The following MIGA2 variants were observed in gnomAD, a reference collection of about 807,000 sequenced individuals.
MIGA2 encodes the protein mitoguardin 2, also known as family with sequence similarity 73, member B.
Under a neutral mutation model 69.9 loss-of-function variants are expected in MIGA2, and 36 were observed. The observed-to-expected ratio is 0.52, with a 90% CI of 0.39 to 0.68. The LOEUF is 0.68. MIGA2 is among the 30% of genes least tolerant of loss of function. The probability of loss-of-function intolerance (pLI) is 0.00; values close to 1 mark genes in which losing one functional copy is unlikely to be tolerated. For missense variants in MIGA2, 660 were observed against 787.7 expected, an observed-to-expected ratio of 0.84 and a Z score of 1.94; for synonymous variants, 333 against 349.2, an observed-to-expected ratio of 0.95 and a Z score of 0.52.
Position 129,059,100 on chromosome 9 carries a change from AT to A in MIGA2, c.676-50del. On this transcript the variant is annotated intron_variant, in intron 6 of 15. Transcript: ENST00000684074. This position sits in a 1 kb window ranked among gnomAD's most constrained non-coding sequence, Gnocchi z 5.6. The stretch of plus-strand genomic sequence containing the variant: ...GGACCTGGGGGTGAGGGAAGGGGCC[AT>A]TTTCATCGGGAGCTTTGAGGGTCTG... 1 of 1,542,806 alleles carries A rather than the reference AT, an allele frequency of 6.5e-7. No individual in the cohort carries two copies. The highest frequency in any genetic ancestry group is 1.7e-5 in the Admixed American group (1 of 59,378).
At chr9:129,058,996 T>C (rs948489734) in intron 6 of MIGA2, among the ~76,000 whole-genome samples, 158 bp from the exon 7 acceptor site, 1 of 152,238 alleles carries the variant, frequency 6.6e-6, no homozygotes, top group African/African-American at 2.4e-5. Flanking sequence ...AAGTGGCTGG[T>C]GGCTCCTCTA....
At chr9:129,041,033 A>G (rs542561658) in intron 2 of MIGA2, among the ~76,000 whole-genome samples, 2 of 151,978 alleles carry the variant, frequency 1.3e-5, no homozygotes, top group East Asian at 1.9e-4. Context: ...TCTACTAAAA[A>G]TACAAAAATT....
chr9:129,042,710 C>T (rs946273904), intron 3 of MIGA2, among the ~76,000 whole-genome samples, 196 bp downstream of exon 3: 2 of 152,078 alleles, frequency 1.3e-5, no homozygotes, highest in Admixed American at 6.6e-5. Context: ...TGGTTGGATG[C>T]GCATGCTCCA....
At chr9:129,064,398 A>G (rs1043192998) in intron 11 of MIGA2, among the ~76,000 whole-genome samples, 6 of 151,392 alleles carry the variant, frequency 4.0e-5, no homozygotes, top group Admixed American at 1.3e-4. Context: ...TAGTAGAGAC[A>G]GGGTTTCACC....
chr9:129,048,199 T>C (rs1845330741), intron 3 of MIGA2, among the ~76,000 whole-genome samples: 1 of 152,236 alleles, frequency 6.6e-6, no homozygotes, highest in South Asian at 2.1e-4. Context: ...GGCCTGGCCC[T>C]GTGCCCTGTG....
At position 129,038,393 on chromosome 9, in the gene MIGA2, G is replaced by A. The variant is rs182191586; in HGVS notation, c.-144+1712G>A. ...GTGTGTTCCTTCCGCTTGAGGTCCC[G>A]GGAGACCTTGAAGGCATCCTTGGGC... On this transcript the variant is annotated intron_variant, in intron 1 of 15. Coordinates refer to ENST00000684074, the MANE Select transcript of MIGA2 (RefSeq NM_001329990.2). 4.0e-4 allele frequency among the ~76,000 whole-genome samples: 61 copies of A among 152,212 alleles called. 1 individual carries two copies. Among genetic ancestry groups the A allele is most frequent in the African/African-American group, 1.3e-3 (55 of 41,550 alleles).
chr9:129,059,355 GTT>G lies in MIGA2; in HGVS notation c.793+85_793+86del. On this transcript the variant is annotated intron_variant, in intron 7 of 15. Transcript: ENST00000684074. The surrounding 1 kb of genome is among the most constrained non-coding windows in gnomAD (Gnocchi z 5.6). ...GAGAAGTTGCGAGAACCGGGTCGTGGTTCTCTCAGTGCGTCCAATGAATCAGA... is the reference window on the plus strand; with the variant it reads ...GAGAAGTTGCGAGAACCGGGTCGTGGCTCTCAGTGCGTCCAATGAATCAGA... The G allele has an allele frequency of 9.6e-7, 1 of 1,043,718 alleles. No individual in the cohort carries two copies. The highest frequency in any genetic ancestry group is 1.4e-6 in the Non-Finnish European group (1 of 699,740). 64.7% of individuals were successfully genotyped at this position (1,043,718 alleles called of 1,614,324 possible).
intron 4 of MIGA2, among the ~76,000 whole-genome samples, chr9:129,049,005 C>T (rs1000206416): frequency 2.6e-5 from 4 of 152,102 alleles, no homozygotes; most frequent in African/African-American, 7.2e-5. Flanking sequence ...GCCAGCCACT[C>T]GTGTGGATGA....
At chr9:129,037,416 G>A (rs866000649) in intron 1 of MIGA2, among the ~76,000 whole-genome samples, 2 of 152,142 alleles carry the variant, frequency 1.3e-5, no homozygotes, top group African/African-American at 4.8e-5. Context: ...TGCCCAAGTG[G>A]GGCCAGGCCC....
rs1472881579 is a variant in MIGA2 at position 129,061,438 on chromosome 9, G to T, written c.1010+92G>T. 6.7e-6 allele frequency: 8 copies of T among 1,201,804 alleles called. No homozygotes were observed. Among genetic ancestry groups the T allele is most frequent in the Non-Finnish European group, 9.4e-6 (8 of 854,114 alleles). 74.4% of individuals were successfully genotyped at this position (1,201,804 alleles called of 1,614,324 possible). A position where few individuals can be genotyped will look rare whatever the true frequency, so the allele number is the denominator to read the frequency against. ...GGCGGAGAAGCCAGCGGTGCTTGGC[G>T]AGGACTTAGCCTGAGTGAGTCCAGG... On this transcript the variant is annotated intron_variant, in intron 9 of 15. Coordinates refer to ENST00000684074, the MANE Select transcript of MIGA2 (RefSeq NM_001329990.2). This position sits in a 1 kb window ranked among gnomAD's most constrained non-coding sequence, Gnocchi z 5.0.
chr9:129,055,404 A>G (rs1190329179), intron 6 of MIGA2, among the ~76,000 whole-genome samples: 1 of 152,106 alleles, frequency 6.6e-6, no homozygotes, highest in Non-Finnish European at 1.5e-5. Context: ...ATGGTAGTAA[A>G]TGATAAAGAC....
At position 129,068,795 on chromosome 9, in the gene MIGA2, A is replaced by C; in HGVS notation, c.1405-281A>C. The C allele has an allele frequency of 2.0e-6, 1 of 496,202 alleles. No homozygotes were observed. The allele number at this position is 496,202 out of a possible 1,614,324, so 30.7% of individuals were successfully genotyped here. A position where few individuals can be genotyped will look rare whatever the true frequency, so the allele number is the denominator to read the frequency against. On this transcript the variant is annotated intron_variant, in intron 13 of 15. Transcript: ENST00000684074. This position sits in a 1 kb window ranked among gnomAD's most constrained non-coding sequence, Gnocchi z 4.1. ...ACAGGCGGGAACCATTGCTCCCACAACCACCAAAGGAGGTGGGAGTGCTGT... is the reference window on the plus strand; with the variant it reads ...ACAGGCGGGAACCATTGCTCCCACACCCACCAAAGGAGGTGGGAGTGCTGT...
In MIGA2 at chr9:129,042,300, G is replaced by A. The variant is rs746515210; in HGVS notation, c.97-4G>A. 9.9e-6 allele frequency: 16 copies of A among 1,611,848 alleles called. No individual in the cohort carries two copies. In the Admixed American group the frequency reaches 2.7e-4, roughly 27 times the overall value. On this transcript the variant is annotated splice_polypyrimidine_tract_variant and splice_region_variant and intron_variant, in intron 2 of 15. Coordinates refer to ENST00000684074, the MANE Select transcript of MIGA2 (RefSeq NM_001329990.2). ...TAACCGGCAGCGTCTCCTCTTCCCT[G>A]CAGTCTGCATTCTCCCAGCTACGGT... is the stretch of plus-strand genomic sequence containing the variant.
intron 3 of MIGA2, among the ~76,000 whole-genome samples, chr9:129,046,475 G>A (rs1443447042): frequency 1.1e-5 from 1 of 92,458 alleles, no homozygotes; most frequent in Admixed American, 1.2e-4. Flanking sequence ...TTTTTTTTTT[G>A]GAGACAGAGT....
chr9:129,049,955 C>T lies in MIGA2; in HGVS notation c.667C>T (p.Leu223=), dbSNP rs150468692. The change falls in exon 6 of 16, where the codon CTG becomes TTG. Residue 223 remains leucine (L), a synonymous_variant. Transcript: ENST00000684074. The part of the protein sequence containing the change: ...LRNPETASEP[L]SEPESQRKEF... ...GAACCCAGAGACTGCATCAGAGCCA[C>T]TGTCTGAGGTAGGTGGTCTTCTGCA... The T allele has an allele frequency of 2.0e-5, 32 of 1,613,038 alleles. No individual in the cohort carries two copies. The African/African-American group carries it at 3.9e-4, about 19-fold the overall frequency.
chr9:129,049,638 C>A, intron 5 of MIGA2, 140 bp downstream of exon 5: 1 of 1,253,226 alleles, frequency 8.0e-7, no homozygotes. Context: ...CCAGCCATTT[C>A]TGAACAAGGG....
Position 129,048,424 on chromosome 9 carries a change from C to A in MIGA2, c.308-3C>A, listed in dbSNP as rs1404137340. On this transcript the variant is annotated splice_region_variant and splice_polypyrimidine_tract_variant and intron_variant, in intron 3 of 15. Coordinates refer to ENST00000684074, the MANE Select transcript of MIGA2 (RefSeq NM_001329990.2). ...GTGACGCCTGCCCTTCTGCTCCTCA[C>A]AGGATACTCCAGCCGGAGAGTCCAG... The A allele has an allele frequency of 6.2e-7, 1 of 1,613,506 alleles. No individual in the cohort carries two copies. Among genetic ancestry groups the A allele is most frequent in the Admixed American group, 1.7e-5 (1 of 60,006 alleles).
In MIGA2 at chr9:129,061,451, G is replaced by C. The variant is rs1846065390; in HGVS notation, c.1010+105G>C. On this transcript the variant is annotated intron_variant, in intron 9 of 15. Coordinates refer to ENST00000684074, the MANE Select transcript of MIGA2 (RefSeq NM_001329990.2). The surrounding 1 kb of genome is among the most constrained non-coding windows in gnomAD (Gnocchi z 5.0). ...GCGGTGCTTGGCGAGGACTTAGCCT[G>C]AGTGAGTCCAGGCTGCCTGAGGGCC... 7 of 1,035,822 alleles carry C rather than the reference G, an allele frequency of 6.8e-6. No individual in the cohort carries two copies. Among genetic ancestry groups the C allele is most frequent in the Non-Finnish European group, 8.5e-6 (6 of 708,602 alleles). The allele number at this position is 1,035,822 out of a possible 1,614,324, so 64.2% of individuals were successfully genotyped here.
rs1276337971 is a variant in MIGA2 at position 129,042,387 on chromosome 9, G to T, written c.180G>T (p.Leu60=). 5 of 1,613,688 alleles carry T rather than the reference G, an allele frequency of 3.1e-6. No homozygotes were observed. Among genetic ancestry groups the T allele is most frequent in the Non-Finnish European group, 4.2e-6 (5 of 1,180,058 alleles). The change falls in exon 3 of 16, where the codon CTG becomes CTT. Residue 60 remains leucine, a synonymous_variant. Coordinates refer to ENST00000684074, the MANE Select transcript of MIGA2 (RefSeq NM_001329990.2). ...ATALGTVALA[L]AAHQLKRRRR... is the part of the protein sequence containing the mutation. ...CCCTGGGGACTGTGGCCCTGGCCCT[G>T]GCTGCCCACCAGCTGAAGAGGCGAC...
Sources: allele counts gnomAD v4.1 joint callset (sites outside exome capture counted in the v4.1 genomes callset), GRCh38; gene constraint gnomAD v4.1.1; non-coding constraint Gnocchi (gnomAD v3.1); transcripts MANE v1.5; gene names NCBI Gene and HGNC (gene_info 2026-07-23, HGNC 2026-07-21).